Variants in SPIRE1 observed in about 807,000 individuals in gnomAD.
SPIRE1 encodes spire type actin nucleation factor 1, also known as protein spire homolog 1.
SPIRE1 carries 40 observed loss-of-function variants against 94.1 expected under a neutral mutation model. The ratio of observed to expected loss-of-function variants is 0.43; its 90% CI spans 0.33 to 0.55. SPIRE1 has a LOEUF of 0.55. Ranked by LOEUF, SPIRE1 falls within the 20% of genes least tolerant of loss-of-function variation. SPIRE1 has a pLI of 0.06. For missense variants in SPIRE1, 838 were observed against 975.2 expected (o/e 0.86, Z 1.87); for synonymous variants, 376 against 371.7 (o/e 1.01, Z -0.13).
intron 16 of SPIRE1, among the ~76,000 whole-genome samples, chr18:12,451,543 A>G (rs1401040227): frequency 6.6e-6 from 1 of 152,190 alleles, no homozygotes; most frequent in Non-Finnish European, 1.5e-5. Flanking sequence ...ATTCACACCC[A>G]GAGGTCTCAG....
intron 1 of SPIRE1, among the ~76,000 whole-genome samples, chr18:12,647,607 A>G (rs1171260185): frequency 6.6e-6 from 1 of 152,118 alleles, no homozygotes; most frequent in African/African-American, 2.4e-5. Flanking sequence ...CAAAAAAATT[A>G]GCCAGGAGTG....
chr18:12,484,729 C>G (rs1381542413), intron 9 of SPIRE1, among the ~76,000 whole-genome samples: 1 of 152,134 alleles, frequency 6.6e-6, no homozygotes, highest in African/African-American at 2.4e-5. Context: ...AAAACTCTAA[C>G]TTGCAAAATA....
upstream of SPIRE1, chr18:12,661,375 G>A (rs2038693019): frequency 8.1e-6 from 8 of 984,332 alleles, no homozygotes; most frequent in South Asian, 2.8e-4. Flanking sequence ...GAAAGTGACT[G>A]CTGACCACTC....
In SPIRE1 at chr18:12,549,436, G is replaced by GTTTTTTT. The variant is rs1345452411; in HGVS notation, c.373-2533_373-2532insAAAAAAA. The stretch of plus-strand genomic sequence containing the variant: ...TTGCTTTTTGTTTGTTTTTGTTATT[G>GTTTTTTT]TTGTTTTTTTTTTTTTTTTTTTTTT... On this transcript the variant is annotated intron_variant, in intron 2 of 16. Coordinates refer to ENST00000409402, the MANE Select transcript of SPIRE1 (RefSeq NM_001128626.2). 2.5e-3 allele frequency among the ~76,000 whole-genome samples: 131 copies of GTTTTTTT among 51,916 alleles called. 10 individuals carry two copies. The highest frequency in any genetic ancestry group is 3.6e-3 in the Non-Finnish European group (97 of 26,808). The allele number at this position is 51,916 out of a possible 152,430, so 34.1% of individuals were successfully genotyped here.
intron 2 of SPIRE1, among the ~76,000 whole-genome samples, chr18:12,633,323 C>T (rs536829716): frequency 5.3e-5 from 8 of 152,170 alleles, no homozygotes; most frequent in Admixed American, 1.3e-4. Flanking sequence ...AAAAATGGGC[C>T]GGGCACAGTG....
intron 4 of SPIRE1, among the ~76,000 whole-genome samples, chr18:12,520,867 C>T (rs370658064): frequency 3.9e-5 from 6 of 152,230 alleles, no homozygotes; most frequent in Admixed American, 6.5e-5. Flanking sequence ...ATGAGACAGA[C>T]GTCTTGGGGC....
chr18:12,563,719 A>T (rs2035747984), intron 2 of SPIRE1, among the ~76,000 whole-genome samples: 1 of 152,116 alleles, frequency 6.6e-6, no homozygotes, highest in Non-Finnish European at 1.5e-5. Flanking sequence ...CAAATAAAAA[A>T]CCCCAAAACT....
At chr18:12,661,525 A>G (rs1363104380), upstream of SPIRE1, among the ~76,000 whole-genome samples, 1 of 152,030 alleles carries the variant, frequency 6.6e-6, no homozygotes, top group Non-Finnish European at 1.5e-5. Flanking sequence ...TAATCCCAAC[A>G]CTTTGGGAAG....
chr18:12,583,557 G>A (rs756309823), intron 2 of SPIRE1, among the ~76,000 whole-genome samples: 5 of 151,966 alleles, frequency 3.3e-5, no homozygotes, highest in African/African-American at 1.2e-4. Flanking sequence ...AGCCAAGATC[G>A]TGCCACTGCA....
chr18:12,515,174 C>T (rs1276939732), intron 4 of SPIRE1, among the ~76,000 whole-genome samples: 3 of 152,094 alleles, frequency 2.0e-5, no homozygotes, highest in African/African-American at 7.2e-5. Flanking sequence ...AAGCTGAAAT[C>T]ATGATGAATA....
upstream of SPIRE1, chr18:12,658,568 C>T: frequency 2.1e-6 from 1 of 470,922 alleles, no homozygotes. Flanking sequence ...CATTGACGTT[C>T]CCTAGGCGCT....
At chr18:12,535,052 T>C (rs950192865) in intron 4 of SPIRE1, among the ~76,000 whole-genome samples, 6 of 152,158 alleles carry the variant, frequency 3.9e-5, no homozygotes, top group Non-Finnish European at 8.8e-5. Flanking sequence ...AAATAAATAA[T>C]AAATAAAACA....
At chr18:12,455,365 G>A (rs1282138137) in intron 12 of SPIRE1, among the ~76,000 whole-genome samples, 1 of 152,172 alleles carries the variant, frequency 6.6e-6, no homozygotes, top group Non-Finnish European at 1.5e-5. Flanking sequence ...CTAATGGTAC[G>A]AGTGGAACTG....
At position 12,613,375 on chromosome 18, in the gene SPIRE1, C is replaced by T. The variant is rs112043373; in HGVS notation, c.372+21687G>A. Among the ~76,000 whole-genome samples the T allele has an allele frequency of 2.6e-3, 392 of 152,322 alleles. 1 individual carries two copies. Among genetic ancestry groups the T allele is most frequent in the African/African-American group, 9.0e-3 (376 of 41,570 alleles). ...TTGACATGCTGCTCCCGGCTCCCCA[C>T]TAAGCCTCATAATTTTTAAAGACAA... On this transcript the variant is annotated intron_variant, in intron 2 of 16. Transcript: ENST00000409402.
At chr18:12,506,453 C>T (rs750811138) in intron 6 of SPIRE1, 24 bp downstream of exon 6, 23 of 1,611,110 alleles carry the variant, frequency 1.4e-5, no homozygotes, top group Admixed American at 1.2e-4. Context: ...GCCACATGCC[C>T]GGCCTGACAG....
chr18:12,595,962 A>G (rs1308412842), intron 2 of SPIRE1, among the ~76,000 whole-genome samples: 1 of 152,240 alleles, frequency 6.6e-6, no homozygotes, highest in East Asian at 1.9e-4. Context: ...GAGACACTAC[A>G]CTAATTATAC....
At chr18:12,457,415 A>C (rs576032593) in intron 12 of SPIRE1, among the ~76,000 whole-genome samples, 13 of 152,338 alleles carry the variant, frequency 8.5e-5, no homozygotes, top group Non-Finnish European at 1.3e-4. Flanking sequence ...AGCTATTAGC[A>C]CTCTGGAATG....
intron 2 of SPIRE1, among the ~76,000 whole-genome samples, chr18:12,584,284 G>T (rs2036333707): frequency 6.6e-6 from 1 of 151,936 alleles, no homozygotes; most frequent in Admixed American, 6.6e-5. Context: ...TCAAAAATTA[G>T]CCGGGCATGG....
At chr18:12,592,201 C>A (rs1427544483) in intron 2 of SPIRE1, among the ~76,000 whole-genome samples, 1 of 151,804 alleles carries the variant, frequency 6.6e-6, no homozygotes, top group African/African-American at 2.4e-5. Context: ...GAGTTTGAGT[C>A]TCAAGAAGAA....
Sources: gnomAD v4.1 joint callset for allele counts (sites outside exome capture counted in the v4.1 genomes callset) on GRCh38, gnomAD v4.1.1 for gene constraint, MANE v1.5 for transcripts, NCBI Gene and HGNC (gene_info 2026-07-23, HGNC 2026-07-21) for gene names.